DMP1: variants seen among roughly 807,000 people sequenced by gnomAD.
DMP1 encodes the protein dentin matrix acidic phosphoprotein 1, also known as dentin matrix protein 1.
Under a neutral mutation model 14.6 loss-of-function variants are expected in DMP1, and 20 were observed. The ratio of observed to expected loss-of-function variants is 1.37; its 90% CI spans 0.96 to 1.99. The LOEUF is 1.99. Ranked by LOEUF, DMP1 falls within the 30% of genes most tolerant of loss-of-function variation. The pLI, the probability that DMP1 is intolerant of heterozygous loss-of-function variation, is 0.00. For synonymous variants in DMP1, 197 were observed against 215.3 expected, an observed-to-expected ratio of 0.91 and a Z score of 0.75; for missense variants, 567 against 620.5, an observed-to-expected ratio of 0.91 and a Z score of 0.92.
intron 3 of DMP1, among the ~76,000 whole-genome samples, chr4:87,657,581 C>T (rs898666721): frequency 6.6e-6 from 1 of 152,122 alleles, no homozygotes; most frequent in African/African-American, 2.4e-5. Flanking sequence ...AATTTTCACA[C>T]CTCTGTGAAT....
chr4:87,662,776 T>A lies in DMP1; in HGVS notation c.998T>A (p.Val333Glu), dbSNP rs1356408490. The A allele has an allele frequency of 6.2e-7, 1 of 1,613,556 alleles. No individual in the cohort carries two copies. Among genetic ancestry groups the A allele is most frequent in the Middle Eastern group, 1.6e-4 (1 of 6,062 alleles). The change falls in exon 6 of 6, where the codon GTA becomes GAA. Residue 333 changes from valine to glutamate, a missense_variant. Transcript: ENST00000339673. Reference sequence around the variant, plus strand: ...CTGTCCCAGGAAGAGAGCCAAAACGTAGATGGTCCCAGCAGTGAGTCCAGC... The same window carrying A: ...CTGTCCCAGGAAGAGAGCCAAAACGAAGATGGTCCCAGCAGTGAGTCCAGC... ...ENLSQEESQN[V>E]DGPSSESSQE...
At position 87,653,386 on chromosome 4, in the gene DMP1, G is replaced by GATATAT. The variant is rs57266829; in HGVS notation, c.-22+3044_-21-3039dup. Reference sequence around the variant, plus strand: ...TCAGCATATTCAGGCATTATCGAGTGATATATATATATATATATATATATA... The same window carrying GATATAT: ...TCAGCATATTCAGGCATTATCGAGTGATATATATATATATATATATATATATATATA... On this transcript the variant is annotated intron_variant, in intron 1 of 5. Coordinates refer to ENST00000339673, the MANE Select transcript of DMP1 (RefSeq NM_004407.4). Among the ~76,000 whole-genome samples, 425 of 57,712 alleles carry GATATAT rather than the reference G, an allele frequency of 7.4e-3. 6 individuals carry two copies. The highest frequency in any genetic ancestry group is 9.5e-3 in the Non-Finnish European group (261 of 27,420). 37.9% of individuals were successfully genotyped at this position (57,712 alleles called of 152,430 possible).
At chr4:87,660,185 T>C (rs1228542522) in intron 5 of DMP1, among the ~76,000 whole-genome samples, 2 of 152,214 alleles carry the variant, frequency 1.3e-5, no homozygotes, top group African/African-American at 2.4e-5. Flanking sequence ...TAGCCAGAGT[T>C]GGAAGATGAA....
chr4:87,663,110 C>T lies in DMP1; in HGVS notation c.1332C>T (p.Ser444=), dbSNP rs375513808. 3.3e-5 allele frequency: 53 copies of T among 1,613,952 alleles called. No individual in the cohort carries two copies. The highest frequency in any genetic ancestry group is 4.0e-5 in the Non-Finnish European group (47 of 1,180,020). The change falls in exon 6 of 6, where the codon AGC becomes AGT. Residue 444 remains serine (S), a synonymous_variant. Coordinates refer to ENST00000339673, the MANE Select transcript of DMP1 (RefSeq NM_004407.4). Reference sequence around the variant, plus strand: ...ACAGCAGCTCAGCAGAGAGTCAGAGCGAGGAAAGCCATTCTGAGGAAGACG... The same window carrying T: ...ACAGCAGCTCAGCAGAGAGTCAGAGTGAGGAAAGCCATTCTGAGGAAGACG... ...QSHSSSAESQ[S]EESHSEEDDS...
In DMP1 at chr4:87,663,930, T is replaced by G. The variant is rs1237295940; in HGVS notation, c.*610T>G. ...GGTTTCCTCATTGGAGACCGGGAAA[T>G]TCTATTCTTGGGATAAATAATAGTA... On this transcript the variant is annotated 3_prime_UTR_variant, in exon 6 of 6. Transcript: ENST00000339673. 6.5e-6 allele frequency: 1 copy of G among 153,962 alleles called. No homozygotes were observed. Among genetic ancestry groups the G allele is most frequent in the Non-Finnish European group, 1.4e-5 (1 of 69,176 alleles). 9.5% of individuals were successfully genotyped at this position (153,962 alleles called of 1,614,324 possible). A position where few individuals can be genotyped will look rare whatever the true frequency, so the allele number is the denominator to read the frequency against.
At chr4:87,660,431 A>G (rs1193732239) in intron 5 of DMP1, among the ~76,000 whole-genome samples, 1 of 152,164 alleles carries the variant, frequency 6.6e-6, no homozygotes, top group Admixed American at 6.5e-5. Flanking sequence ...GGTTAAACCC[A>G]TGCTCAGTTC....
At position 87,663,758 on chromosome 4, in the gene DMP1, G is replaced by T. The variant is rs925863986; in HGVS notation, c.*438G>T. 3 of 255,054 alleles carry T rather than the reference G, an allele frequency of 1.2e-5. No individual in the cohort carries two copies. The highest frequency in any genetic ancestry group is 1.5e-5 in the Non-Finnish European group (2 of 131,742). The allele number at this position is 255,054 out of a possible 1,614,324, so 15.8% of individuals were successfully genotyped here. The stretch of plus-strand genomic sequence containing the variant: ...AGAGGGATATGTATAAGAGAAACAA[G>T]AATTGTTACAACCCAGTATGGTGAG... On this transcript the variant is annotated 3_prime_UTR_variant, in exon 6 of 6. Coordinates refer to ENST00000339673, the MANE Select transcript of DMP1 (RefSeq NM_004407.4).
At chr4:87,661,411 A>C in intron 5 of DMP1, among the ~76,000 whole-genome samples, 1 of 151,364 alleles carries the variant, frequency 6.6e-6, no homozygotes, top group Non-Finnish European at 1.5e-5. Flanking sequence ...TTTAGTAGAG[A>C]CGGGGTTTCA....
In DMP1 at chr4:87,664,353, C is replaced by G. The variant is rs185228771; in HGVS notation, c.*1033C>G. On this transcript the variant is annotated 3_prime_UTR_variant, in exon 6 of 6. Transcript: ENST00000339673. ...GTTTTGTAATAAAGATTATAATACCCAGAAGAAATATGTGTTTATTTGTAA... is the reference window on the plus strand; with the variant it reads ...GTTTTGTAATAAAGATTATAATACCGAGAAGAAATATGTGTTTATTTGTAA... The G allele has an allele frequency of 3.7e-4, 56 of 152,634 alleles. No homozygotes were observed. Among genetic ancestry groups the G allele is most frequent in the African/African-American group, 1.2e-3 (51 of 41,524 alleles). 9.5% of individuals were successfully genotyped at this position (152,634 alleles called of 1,614,324 possible). A position where few individuals can be genotyped will look rare whatever the true frequency, so the allele number is the denominator to read the frequency against.
At chr4:87,659,528 GA>G (rs1350111690) in intron 5 of DMP1, 50 bp downstream of exon 5, 5 of 1,530,746 alleles carry the variant, frequency 3.3e-6, no homozygotes, top group Non-Finnish European at 4.5e-6. Flanking sequence ...GGAATGGAAG[GA>G]AATGATGTTA....
At position 87,659,258 on chromosome 4, in the gene DMP1, T is replaced by C; in HGVS notation, c.135+6T>C. The stretch of plus-strand genomic sequence containing the variant: ...AGGCACCAACACCACCCTTGGTAAC[T>C]ATCTCATTTACTTTTGTCATAAACA... On this transcript the variant is annotated splice_donor_region_variant and intron_variant, in intron 4 of 5. Coordinates refer to ENST00000339673, the MANE Select transcript of DMP1 (RefSeq NM_004407.4). 5 of 1,614,096 alleles carry C rather than the reference T, an allele frequency of 3.1e-6. 1 individual carries two copies. In the South Asian group the frequency reaches 3.3e-5, roughly 11 times the overall value.
intron 2 of DMP1, among the ~76,000 whole-genome samples, chr4:87,656,777 A>G (rs1728710093): frequency 6.6e-6 from 1 of 152,184 alleles, no homozygotes; most frequent in African/African-American, 2.4e-5. Context: ...TGCTTCTTAA[A>G]GTGTCATCCT....
Position 87,662,592 on chromosome 4 carries a change from C to T in DMP1, c.814C>T (p.Arg272Cys), listed in dbSNP as rs373457215. The change falls in exon 6 of 6, where the codon CGC becomes TGC. Residue 272 changes from arginine (R) to cysteine (C), a missense_variant. Coordinates refer to ENST00000339673, the MANE Select transcript of DMP1 (RefSeq NM_004407.4). ...HPSRKIFRKSRISEEDDRSEL... is the reference protein window; with the variant it reads ...HPSRKIFRKSCISEEDDRSEL... The stretch of plus-strand genomic sequence containing the variant: ...CAGTAGGAAAATTTTTAGGAAGTCT[C>T]GCATCTCAGAGGAAGATGACAGAAG... 1.1e-5 allele frequency: 18 copies of T among 1,613,940 alleles called. No individual in the cohort carries two copies. The East Asian group carries it at 1.6e-4, about 14-fold the overall frequency.
chr4:87,660,919 T>G (rs1477740414), intron 5 of DMP1: 1 of 152,202 alleles, frequency 6.6e-6, no homozygotes, highest in African/African-American at 2.4e-5. Context: ...GAAAAAAAAT[T>G]GGGGTCATTT....
chr4:87,655,048 G>T (rs1320490299), intron 1 of DMP1, among the ~76,000 whole-genome samples: 1 of 152,182 alleles, frequency 6.6e-6, no homozygotes, highest in Non-Finnish European at 1.5e-5. Context: ...AGGCAGGTTT[G>T]AGTGACCCAG....
rs1017218437 is a variant in DMP1, at chr4:87,663,642, C to T, written c.*322C>T. On this transcript the variant is annotated 3_prime_UTR_variant, in exon 6 of 6. Transcript: ENST00000339673. ...TTGGGTGTCCATGATATACCAGGCACTATGCTAGGTGTTGAGAATGTAAAG... is the reference window on the plus strand; with the variant it reads ...TTGGGTGTCCATGATATACCAGGCATTATGCTAGGTGTTGAGAATGTAAAG... The T allele has an allele frequency of 9.9e-6, 4 of 404,150 alleles. No homozygotes were observed. In the East Asian group the frequency reaches 2.3e-4, roughly 23 times the overall value. 25.0% of individuals were successfully genotyped at this position (404,150 alleles called of 1,614,324 possible).
At chr4:87,659,616 G>A in intron 5 of DMP1, 138 bp downstream of exon 5, 2 of 851,926 alleles carry the variant, frequency 2.3e-6, no homozygotes, top group Non-Finnish European at 3.9e-6. Context: ...GTCCTATAAA[G>A]TAAGAAGAGA....
intron 1 of DMP1, among the ~76,000 whole-genome samples, chr4:87,653,417 A>ATATATATATATAT (rs1728586966): frequency 8.8e-6 from 1 of 114,126 alleles, no homozygotes; most frequent in Non-Finnish European, 1.8e-5. Flanking sequence ...ATATATATAT[A>ATATATATATATAT]TATATATATA....
At chr4:87,651,100 G>T (rs927317423) in intron 1 of DMP1, among the ~76,000 whole-genome samples, 1 of 152,098 alleles carries the variant, frequency 6.6e-6, no homozygotes, top group Non-Finnish European at 1.5e-5. Flanking sequence ...GTGACGTTTA[G>T]AAGAGTCCAT....
Sources: allele counts gnomAD v4.1 joint callset (sites outside exome capture counted in the v4.1 genomes callset), GRCh38; gene constraint gnomAD v4.1.1; transcripts MANE v1.5; gene names NCBI Gene and HGNC (gene_info 2026-07-23, HGNC 2026-07-21).